Variants in LGSN observed in about 807,000 individuals in gnomAD.
LGSN encodes the protein lengsin.
LGSN carries 21 observed loss-of-function variants against 19.5 expected under a neutral mutation model. The ratio of observed to expected loss-of-function variants is 1.07; its 90% CI spans 0.76 to 1.55. The LOEUF is 1.55. LGSN is among the 40% of genes most tolerant of loss of function. The pLI, the probability that LGSN is intolerant of heterozygous loss-of-function variation, is 0.00. For synonymous variants in LGSN, 257 were observed against 215.6 expected (o/e 1.19, Z -1.68); for missense variants, 673 against 608.5 (o/e 1.11, Z -1.12).
the LGSN span, among the ~76,000 whole-genome samples, chr6:63,426,151 G>T: frequency 2.6e-5 from 4 of 152,106 alleles, no homozygotes; most frequent in African/African-American, 9.7e-5. Context: ...GACTGTGATA[G>T]CACACATTTT....
chr6:63,533,649 C>T, the LGSN span, among the ~76,000 whole-genome samples: 1 of 151,884 alleles, frequency 6.6e-6, no homozygotes, highest in Non-Finnish European at 1.5e-5. Context: ...CAGATAATAG[C>T]AAATTAGAAT....
At chr6:63,538,720 C>T in the LGSN span, among the ~76,000 whole-genome samples, 25 of 152,078 alleles carry the variant, frequency 1.6e-4, no homozygotes, top group East Asian at 4.4e-3. Context: ...TTTAGCTGTC[C>T]CAGAATCACA....
At chr6:63,356,088 T>C in the LGSN span, among the ~76,000 whole-genome samples, 1 of 152,176 alleles carries the variant, frequency 6.6e-6, no homozygotes, top group African/African-American at 2.4e-5. Flanking sequence ...GGACACCGGT[T>C]ATATTGCACT....
the LGSN span, among the ~76,000 whole-genome samples, chr6:63,393,150 G>T: frequency 6.6e-6 from 1 of 150,618 alleles, no homozygotes; most frequent in Non-Finnish European, 1.5e-5. Context: ...GCCTCCCAAA[G>T]TGCTAGGATT....
the LGSN span, among the ~76,000 whole-genome samples, chr6:63,545,371 A>C: frequency 1.3e-5 from 2 of 152,084 alleles, no homozygotes; most frequent in African/African-American, 4.8e-5. Flanking sequence ...GCACTTTGGG[A>C]GGCGGAGGCA....
chr6:63,454,994 C>A, the LGSN span, among the ~76,000 whole-genome samples: 1 of 151,318 alleles, frequency 6.6e-6, no homozygotes, highest in Non-Finnish European at 1.5e-5. Context: ...GGTTTCACCA[C>A]GTTGGCCAGG....
chr6:63,286,717 G>C (rs1767551981), intron 2 of LGSN, among the ~76,000 whole-genome samples: 1 of 152,178 alleles, frequency 6.6e-6, no homozygotes, highest in Admixed American at 6.5e-5. Context: ...TTTTAGGAGA[G>C]GCAGCAGAGT....
At chr6:63,300,141 T>C (rs1027811191) in intron 1 of LGSN, among the ~76,000 whole-genome samples, 4 of 152,156 alleles carry the variant, frequency 2.6e-5, no homozygotes, top group African/African-American at 9.7e-5. Flanking sequence ...GGCCCTGCCC[T>C]TCCTCCTCCA....
the LGSN span, among the ~76,000 whole-genome samples, chr6:63,472,942 A>AAAAAATAAAATAAAAAT: frequency 7.9e-5 from 12 of 151,930 alleles, no homozygotes; most frequent in African/African-American, 2.4e-4. Context: ...CTCTGTCTCA[A>AAAAAATAAAATAAAAAT]AAAAATAAAA....
At chr6:63,536,973 A>G in the LGSN span, among the ~76,000 whole-genome samples, 3 of 152,172 alleles carry the variant, frequency 2.0e-5, no homozygotes, top group African/African-American at 7.2e-5. Flanking sequence ...CAAATGAATT[A>G]GAGAAAGTGG....
At chr6:63,459,520 G>T in the LGSN span, among the ~76,000 whole-genome samples, 1 of 152,166 alleles carries the variant, frequency 6.6e-6, no homozygotes, top group African/African-American at 2.4e-5. Context: ...CTCCCAAAAT[G>T]CTAGAATTAA....
chr6:63,552,833 T>A, the LGSN span, among the ~76,000 whole-genome samples: 1 of 152,216 alleles, frequency 6.6e-6, no homozygotes, highest in African/African-American at 2.4e-5. Context: ...TTGTCAAAGA[T>A]CAGATGATTG....
the LGSN span, among the ~76,000 whole-genome samples, chr6:63,468,724 G>A: frequency 9.9e-5 from 15 of 150,974 alleles, no homozygotes; most frequent in East Asian, 3.9e-4. Context: ...CACTGCACCC[G>A]GCCATGTTTT....
At chr6:63,352,810 T>C in the LGSN span, among the ~76,000 whole-genome samples, 1 of 151,952 alleles carries the variant, frequency 6.6e-6, no homozygotes, top group African/African-American at 2.4e-5. Flanking sequence ...GATTAGGTGG[T>C]TGAATTAGAT....
chr6:63,491,932 G>A, the LGSN span, among the ~76,000 whole-genome samples: 1 of 151,996 alleles, frequency 6.6e-6, no homozygotes, highest in Non-Finnish European at 1.5e-5. Context: ...GGGAGGCTGA[G>A]GCAGGAGAAT....
chr6:63,468,807 G>A, the LGSN span, among the ~76,000 whole-genome samples: 1 of 151,490 alleles, frequency 6.6e-6, no homozygotes, highest in Admixed American at 6.6e-5. Context: ...AGGGTGCAAT[G>A]GCACGGTCTC....
At chr6:63,549,577 TA>T in the LGSN span, 1 of 599,488 alleles carries the variant, frequency 1.7e-6, no homozygotes. Flanking sequence ...TTTTTTTTTT[TA>T]AAGAAAACCT....
At chr6:63,534,294 C>T in the LGSN span, among the ~76,000 whole-genome samples, 1 of 152,158 alleles carries the variant, frequency 6.6e-6, no homozygotes, top group Non-Finnish European at 1.5e-5. Flanking sequence ...TGTTTTTCTA[C>T]TACATCTGAT....
At chr6:63,531,203 GT>G in the LGSN span, among the ~76,000 whole-genome samples, 374 of 152,222 alleles carry the variant, frequency 2.5e-3, 1 homozygote, top group Non-Finnish European at 4.2e-3. Context: ...CTGCTTCCTG[GT>G]TCACAGCCAA....
Sources: gnomAD v4.1 joint callset for allele counts (sites outside exome capture counted in the v4.1 genomes callset) on GRCh38, gnomAD v4.1.1 for gene constraint, MANE v1.5 for transcripts, NCBI Gene and HGNC (gene_info 2026-07-23, HGNC 2026-07-21) for gene names.